Variants in RABGAP1L observed in about 807,000 individuals in gnomAD.
RABGAP1L encodes the protein RAB GTPase activating protein 1 like.
Under a neutral mutation model 137.7 loss-of-function variants are expected in RABGAP1L, and 63 were observed. The observed-to-expected ratio is 0.46, with a 90% CI of 0.37 to 0.56. The LOEUF (loss-of-function observed/expected upper bound fraction) is 0.56. Among genes scored for constraint, RABGAP1L ranks in the 20% least tolerant of loss-of-function variants. RABGAP1L has a pLI of 0.00. For missense variants in RABGAP1L, 1,095 were observed against 1,244.0 expected, an observed-to-expected ratio of 0.88 and a Z score of 1.80; for synonymous variants, 431 against 433.7, an observed-to-expected ratio of 0.99 and a Z score of 0.08.
intron 19 of RABGAP1L, among the ~76,000 whole-genome samples, chr1:174,942,347 A>G (rs537277817): frequency 1.3e-5 from 2 of 152,234 alleles, no homozygotes; most frequent in Non-Finnish European, 2.9e-5. Flanking sequence ...TTCCTAGCCA[A>G]TTTGAAGCAG....
chr1:174,661,317 T>C (rs1676354150), intron 14 of RABGAP1L, among the ~76,000 whole-genome samples: 1 of 152,214 alleles, frequency 6.6e-6, no homozygotes, highest in Admixed American at 6.5e-5. Flanking sequence ...AAAGAACTTT[T>C]AGAAAATGAT....
intron 19 of RABGAP1L, among the ~76,000 whole-genome samples, chr1:174,956,693 G>A (rs1574000765): frequency 2.0e-5 from 3 of 150,278 alleles, no homozygotes; most frequent in Admixed American, 2.0e-4. Context: ...TATCACCCAG[G>A]CTGGAGTGCA....
chr1:174,505,641 A>G (rs1227721101), intron 13 of RABGAP1L, among the ~76,000 whole-genome samples: 1 of 152,168 alleles, frequency 6.6e-6, no homozygotes, highest in Admixed American at 6.5e-5. Flanking sequence ...TAGCAAAAAG[A>G]CAAAAGATAA....
At chr1:174,816,766 T>A (rs1690461336) in intron 19 of RABGAP1L, among the ~76,000 whole-genome samples, 1 of 145,668 alleles carries the variant, frequency 6.9e-6, no homozygotes, top group South Asian at 2.2e-4. Context: ...GGAGTCTTGC[T>A]CTGTCACCAG....
At chr1:174,205,748 G>GT (rs1394589400) in intron 1 of RABGAP1L, among the ~76,000 whole-genome samples, 2 of 151,868 alleles carry the variant, frequency 1.3e-5, no homozygotes, top group Non-Finnish European at 2.9e-5. Flanking sequence ...TCTTTTAATT[G>GT]TTTTTTCTTG....
chr1:174,641,223 T>G (rs1198896665), intron 14 of RABGAP1L, among the ~76,000 whole-genome samples: 3 of 151,932 alleles, frequency 2.0e-5, no homozygotes, highest in Non-Finnish European at 4.4e-5. Context: ...TTGAAAAGTT[T>G]TCTGTGGCTC....
intron 13 of RABGAP1L, among the ~76,000 whole-genome samples, chr1:174,603,782 G>A (rs1235891841): frequency 6.6e-6 from 1 of 151,892 alleles, no homozygotes; most frequent in Non-Finnish European, 1.5e-5. Flanking sequence ...GCCAGAACTG[G>A]GTTCTCCCCT....
intron 14 of RABGAP1L, among the ~76,000 whole-genome samples, chr1:174,678,253 A>T (rs1409164191): frequency 6.6e-6 from 1 of 152,192 alleles, no homozygotes; most frequent in Admixed American, 6.5e-5. Context: ...CATAATAAAA[A>T]CCTTTCCAAG....
chr1:174,498,776 G>A (rs1660982501), intron 13 of RABGAP1L, among the ~76,000 whole-genome samples: 1 of 151,460 alleles, frequency 6.6e-6, no homozygotes, highest in Admixed American at 6.6e-5. Context: ...CTCCCAAAGT[G>A]CTAGGATTAC....
intron 11 of RABGAP1L, among the ~76,000 whole-genome samples, chr1:174,359,911 C>T (rs190907519): frequency 6.6e-6 from 1 of 152,310 alleles, no homozygotes; most frequent in Admixed American, 6.5e-5. Context: ...AAAAGGAAGA[C>T]ATTTCATAAG....
chr1:174,256,988 CT>C (rs1343717849), intron 7 of RABGAP1L, among the ~76,000 whole-genome samples: 1 of 152,100 alleles, frequency 6.6e-6, no homozygotes, highest in African/African-American at 2.4e-5. Flanking sequence ...AGAGCTTTCC[CT>C]TTTCTTCCAT....
chr1:174,588,758 T>C (rs1394861029), intron 13 of RABGAP1L, among the ~76,000 whole-genome samples: 1 of 152,186 alleles, frequency 6.6e-6, no homozygotes, highest in African/African-American at 2.4e-5. Flanking sequence ...GTTCTATCTA[T>C]GTTGTTGCAA....
chr1:174,737,539 C>T (rs921309385), intron 17 of RABGAP1L, among the ~76,000 whole-genome samples: 1 of 152,082 alleles, frequency 6.6e-6, no homozygotes, highest in Non-Finnish European at 1.5e-5. Flanking sequence ...TCCTTTCTTT[C>T]TCTGAGCCCT....
intron 7 of RABGAP1L, among the ~76,000 whole-genome samples, chr1:174,271,130 G>A (rs1558087575): frequency 6.6e-6 from 1 of 152,064 alleles, no homozygotes; most frequent in Non-Finnish European, 1.5e-5. Context: ...TATTTCTCTT[G>A]TAGATTATAT....
At chr1:174,203,237 T>C (rs984490987) in intron 1 of RABGAP1L, among the ~76,000 whole-genome samples, 1 of 152,172 alleles carries the variant, frequency 6.6e-6, no homozygotes, top group Admixed American at 6.5e-5. Flanking sequence ...AGCCAGTTTA[T>C]CCCATCACTA....
At chr1:174,956,974 AT>A (rs1668602275) in intron 19 of RABGAP1L, among the ~76,000 whole-genome samples, 1 of 152,088 alleles carries the variant, frequency 6.6e-6, no homozygotes, top group Non-Finnish European at 1.5e-5. Context: ...TTGTAGCTCA[AT>A]TTTTTACTTA....
chr1:174,683,535 A>G lies in RABGAP1L; in HGVS notation c.1838A>G (p.Tyr613Cys). ...TCTTTTCTCTAGGCCTACTCTGTGT[A>G]TGATGAAGACATTGGGTACTGTCAA... The part of the protein sequence containing the change: ...LYKICKAYSV[Y>C]DEDIGYCQGQ... Residue 613 changes from tyrosine (Y) to cysteine (C), a missense_variant, in exon 15 of 26, where the codon TAT becomes TGT. This residue lies in a region of RABGAP1L where 315 missense variants were observed against 324.8 expected (regional missense o/e 0.97). Transcript: ENST00000681986. 1 of 1,602,276 alleles carries G rather than the reference A, an allele frequency of 6.2e-7. No homozygotes were observed.
intron 13 of RABGAP1L, among the ~76,000 whole-genome samples, chr1:174,446,969 T>G (rs1654843711): frequency 6.6e-6 from 1 of 152,190 alleles, no homozygotes; most frequent in African/African-American, 2.4e-5. Flanking sequence ...TTGTCTAACT[T>G]TATATTTACA....
chr1:174,501,999 T>C (rs1241659349), intron 13 of RABGAP1L, among the ~76,000 whole-genome samples: 1 of 151,718 alleles, frequency 6.6e-6, no homozygotes, highest in Non-Finnish European at 1.5e-5. Flanking sequence ...CTAGAACTAC[T>C]ATTATCTTTG....
Sources: allele counts gnomAD v4.1 joint callset (sites outside exome capture counted in the v4.1 genomes callset), GRCh38; gene constraint gnomAD v4.1.1; regional missense constraint gnomAD v4.1.1; transcripts MANE v1.5; gene names NCBI Gene and HGNC (gene_info 2026-07-23, HGNC 2026-07-21).